The following AUH variants were observed in gnomAD, a reference collection of about 807,000 sequenced individuals.
AUH encodes the protein methylglutaconyl-CoA hydratase, mitochondrial.
Under a neutral mutation model 42.3 loss-of-function variants are expected in AUH, and 29 were observed. That is an observed-to-expected ratio of 0.69 (90% CI 0.51 to 0.93). The LOEUF is 0.93. Among genes scored for constraint, AUH ranks in the 40% least tolerant of loss-of-function variants. AUH has a pLI of 0.00. For synonymous variants in AUH, 174 were observed against 166.4 expected (o/e 1.05, Z -0.35); for missense variants, 452 against 438.1 (o/e 1.03, Z -0.28).
intron 6 of AUH, among the ~76,000 whole-genome samples, chr9:91,279,773 T>C (rs1005863531): frequency 6.6e-6 from 1 of 152,172 alleles, no homozygotes; most frequent in African/African-American, 2.4e-5. Flanking sequence ...GAAACAAATA[T>C]CTAAACTCTA....
At chr9:91,277,527 A>C (rs565026782) in intron 6 of AUH, among the ~76,000 whole-genome samples, 1 of 152,308 alleles carries the variant, frequency 6.6e-6, no homozygotes, top group South Asian at 2.1e-4. Flanking sequence ...CCTAACATTA[A>C]ATCAAAATAG....
At chr9:91,326,092 A>T (rs921605212) in intron 3 of AUH, among the ~76,000 whole-genome samples, 2 of 152,236 alleles carry the variant, frequency 1.3e-5, no homozygotes, top group African/African-American at 4.8e-5. Flanking sequence ...AACAAAGAAG[A>T]TCTTTAGCAA....
chr9:91,219,046 T>C, intron 7 of AUH: 3 of 985,406 alleles, frequency 3.0e-6, no homozygotes, highest in Non-Finnish European at 3.6e-6. Flanking sequence ...GGGACTGTGA[T>C]GACGGCTGGG....
intron 4 of AUH, among the ~76,000 whole-genome samples, chr9:91,314,823 T>A (rs1410482092): frequency 2.0e-5 from 3 of 152,202 alleles, no homozygotes; most frequent in Non-Finnish European, 4.4e-5. Flanking sequence ...TGCCGTTCTG[T>A]CAAAACAACC....
At chr9:91,237,326 A>G (rs746765323) in intron 6 of AUH, among the ~76,000 whole-genome samples, 1 of 152,160 alleles carries the variant, frequency 6.6e-6, no homozygotes, top group Admixed American at 6.5e-5. Flanking sequence ...AACTGTTCAC[A>G]CTCAAATGAA....
At chr9:91,325,230 C>A in intron 4 of AUH, 88 bp downstream of exon 4, 1 of 1,006,830 alleles carries the variant, frequency 9.9e-7, no homozygotes, top group Non-Finnish European at 1.6e-6. Context: ...AAATATTTAA[C>A]CAATGCTTAT....
At chr9:91,252,385 G>A (rs1218131245) in intron 6 of AUH, among the ~76,000 whole-genome samples, 2 of 152,106 alleles carry the variant, frequency 1.3e-5, no homozygotes, top group Non-Finnish European at 2.9e-5. Context: ...AGCAGCAGGT[G>A]ACACATATCT....
chr9:91,238,052 T>C (rs764784709), intron 6 of AUH, among the ~76,000 whole-genome samples: 3 of 152,222 alleles, frequency 2.0e-5, no homozygotes, highest in African/African-American at 4.8e-5. Context: ...GGCTACTGGA[T>C]TGCCAACATT....
At chr9:91,237,113 C>G (rs745467251) in intron 6 of AUH, among the ~76,000 whole-genome samples, 2 of 152,108 alleles carry the variant, frequency 1.3e-5, no homozygotes, top group East Asian at 3.9e-4. Flanking sequence ...TGGCATTAAA[C>G]AGATAATGTG....
At chr9:91,341,376 G>A (rs1252949990) in intron 3 of AUH, among the ~76,000 whole-genome samples, 1 of 152,200 alleles carries the variant, frequency 6.6e-6, no homozygotes, top group Admixed American at 6.5e-5. Flanking sequence ...TAGCAGGTGG[G>A]AGAGAGAACT....
intron 6 of AUH, among the ~76,000 whole-genome samples, chr9:91,261,387 T>G (rs1829699897): frequency 6.6e-6 from 1 of 152,236 alleles, no homozygotes; most frequent in Admixed American, 6.5e-5. Context: ...GGGTTTCTAC[T>G]TTCTTCAGGG....
intron 1 of AUH, chr9:91,357,656 A>G (rs780037025): frequency 2.0e-5 from 6 of 305,110 alleles, no homozygotes; most frequent in Non-Finnish European, 2.9e-5. Context: ...CTGGGGCAAA[A>G]GGAGATGGTT....
At position 91,361,504 on chromosome 9, in the gene AUH, C is replaced by T. The variant is rs188484272; in HGVS notation, c.262+124G>A. The T allele has an allele frequency of 1.4e-3, 1,906 of 1,350,450 alleles. 2 individuals carry two copies. The highest frequency in any genetic ancestry group is 1.6e-3 in the Non-Finnish European group (1,659 of 1,005,500). The allele number at this position is 1,350,450 out of a possible 1,614,324, so 83.7% of individuals were successfully genotyped here. ...GTAGGGAGGTGAGAAAGGGGAGGGA[C>T]CCAGGTTCGGTGCGCCTGCCTGACC... On this transcript the variant is annotated intron_variant, in intron 1 of 9. Coordinates refer to ENST00000375731, the MANE Select transcript of AUH (RefSeq NM_001698.3).
intron 6 of AUH, among the ~76,000 whole-genome samples, chr9:91,236,605 G>A (rs1248851601): frequency 6.6e-6 from 1 of 152,196 alleles, no homozygotes; most frequent in Non-Finnish European, 1.5e-5. Context: ...TTAGGATGCT[G>A]CAGAGTGAGA....
At chr9:91,338,297 T>C (rs909024531) in intron 3 of AUH, among the ~76,000 whole-genome samples, 6 of 152,184 alleles carry the variant, frequency 3.9e-5, no homozygotes, top group African/African-American at 1.4e-4. Context: ...CCCTCTTCAA[T>C]AGGATCAGAT....
rs576730695 is a variant in AUH, at chr9:91,265,379, A to G, written c.655+30642T>C. Among the ~76,000 whole-genome samples, 7 of 152,218 alleles carry G rather than the reference A, an allele frequency of 4.6e-5. No homozygotes were observed. In the East Asian group the frequency reaches 1.2e-3, roughly 25 times the overall value. Reference sequence around the variant, plus strand: ...TTTTCATTTCAGCAATCCTTTAAAAAAAACCTAATAGCTCTTTTTTGTAAT... The same window carrying G: ...TTTTCATTTCAGCAATCCTTTAAAAGAAACCTAATAGCTCTTTTTTGTAAT... On this transcript the variant is annotated intron_variant, in intron 6 of 9. Coordinates refer to ENST00000375731, the MANE Select transcript of AUH (RefSeq NM_001698.3).
At chr9:91,334,918 A>C (rs968117444) in intron 3 of AUH, among the ~76,000 whole-genome samples, 2 of 152,202 alleles carry the variant, frequency 1.3e-5, no homozygotes, top group Admixed American at 6.5e-5. Context: ...CAAGATAACC[A>C]ATGATTTCCA....
intron 6 of AUH, among the ~76,000 whole-genome samples, chr9:91,230,252 G>A (rs574516433): frequency 2.2e-4 from 33 of 152,174 alleles, no homozygotes; most frequent in African/African-American, 5.3e-4. Context: ...GGCTTTGCTC[G>A]TTTCTTTTTC....
chr9:91,344,955 G>A (rs1403851676), intron 3 of AUH, among the ~76,000 whole-genome samples: 3 of 151,360 alleles, frequency 2.0e-5, no homozygotes, highest in Non-Finnish European at 4.4e-5. Context: ...AAAATAATAT[G>A]AGAATCTTAA....
Sources: allele counts gnomAD v4.1 joint callset (sites outside exome capture counted in the v4.1 genomes callset), GRCh38; gene constraint gnomAD v4.1.1; transcripts MANE v1.5; gene names NCBI Gene and HGNC (gene_info 2026-07-23, HGNC 2026-07-21).